ZBTB14: variants seen among roughly 807,000 people sequenced by gnomAD.
ZBTB14 encodes zinc finger and BTB domain containing 14, also known as zinc finger and BTB domain-containing protein 14.
ZBTB14 carries 8 observed loss-of-function variants against 29.5 expected under a neutral mutation model. The ratio of observed to expected loss-of-function variants is 0.27; its 90% confidence interval spans 0.16 to 0.49. ZBTB14 has a LOEUF of 0.49. Among genes scored for constraint, ZBTB14 ranks in the 20% least tolerant of loss-of-function variants. The pLI is 0.99. For missense variants in ZBTB14, 333 were observed against 563.8 expected, an observed-to-expected ratio of 0.59 and a Z score of 4.15; for synonymous variants, 226 against 207.2, an observed-to-expected ratio of 1.09 and a Z score of -0.78.
rs2071779469 is a variant in ZBTB14 at position 5,290,189 on chromosome 18, G to A, written c.*669C>T. ...CCCACCATCCCGGTGGGTTTGCTTGGCCTTTAGGATGTGTGACTACAGCTT... is the reference window on the plus strand; with the variant it reads ...CCCACCATCCCGGTGGGTTTGCTTGACCTTTAGGATGTGTGACTACAGCTT... On this transcript the variant is annotated 3_prime_UTR_variant, in exon 4 of 4. Coordinates refer to ENST00000651870, the MANE Select transcript of ZBTB14 (RefSeq NM_001243702.2). 6.6e-6 allele frequency: 1 copy of A among 152,200 alleles called. No homozygotes were observed. The highest frequency in any genetic ancestry group is 2.4e-5 in the African/African-American group (1 of 41,416). The allele number at this position is 152,200 out of a possible 1,614,324, so 9.4% of individuals were successfully genotyped here. A position where few individuals can be genotyped will look rare whatever the true frequency, so the allele number is the denominator to read the frequency against.
chr18:5,295,948 G>T (rs1172492375), upstream of ZBTB14: 1 of 151,688 alleles, frequency 6.6e-6, no homozygotes, highest in African/African-American at 2.4e-5. Flanking sequence ...TTGGAGTTTG[G>T]GGAGGGGGCG....
At chr18:5,296,315 G>C (rs1332497655), upstream of ZBTB14, 1 of 150,436 alleles carries the variant, frequency 6.6e-6, no homozygotes, top group Non-Finnish European at 1.5e-5. Context: ...TCGGGAGCCA[G>C]GGAACTTAAG....
chr18:5,295,852 C>G (rs1303907567), upstream of ZBTB14: 1 of 152,016 alleles, frequency 6.6e-6, no homozygotes, highest in Non-Finnish European at 1.5e-5. Flanking sequence ...CGTGGGTTCC[C>G]CGCGCTCGCT....
intron 3 of ZBTB14, among the ~76,000 whole-genome samples, chr18:5,292,445 T>C (rs1445167815): frequency 6.6e-6 from 1 of 152,230 alleles, no homozygotes; most frequent in Admixed American, 6.5e-5. Flanking sequence ...CATTGTTCTA[T>C]GTGCTTTACA....
At position 5,291,044 on chromosome 18, in the gene ZBTB14, A is replaced by G. The variant is rs1333610797; in HGVS notation, c.1164T>C (p.Pro388=). Reference sequence around the variant, plus strand: ...CCTTGGTGCAGGAGCCACACACAAAAGGCTTTTCCCCTCTGTGTCTTCTTT... The same window carrying G: ...CCTTGGTGCAGGAGCCACACACAAAGGGCTTTTCCCCTCTGTGTCTTCTTT... ...DHERRHRGEK[P]FVCGSCTKAF... is the part of the protein sequence containing the mutation. The change falls in exon 4 of 4, where the codon CCT becomes CCC. Residue 388 remains proline, a synonymous_variant. Transcript: ENST00000651870. The surrounding 1 kb of genome is among the most constrained non-coding windows in gnomAD (Gnocchi z 5.8). 6.2e-7 allele frequency: 1 copy of G among 1,614,158 alleles called. No individual in the cohort carries two copies. The highest frequency in any genetic ancestry group is 8.5e-7 in the Non-Finnish European group (1 of 1,180,060).
At chr18:5,293,221 T>A in intron 3 of ZBTB14, 23 bp downstream of exon 3, 2 of 1,611,802 alleles carry the variant, frequency 1.2e-6, no homozygotes, top group Non-Finnish European at 1.7e-6. Context: ...TCATCAAGAT[T>A]TAATATCCAA....
At chr18:5,292,239 A>G in intron 3 of ZBTB14, 35 bp from the exon 4 acceptor site, 2 of 1,429,468 alleles carry the variant, frequency 1.4e-6, no homozygotes, top group South Asian at 1.5e-5. Context: ...AATTATAAAT[A>G]GTACTTTTCC....
chr18:5,294,322 A>G (rs958088645), intron 1 of ZBTB14, among the ~76,000 whole-genome samples: 4 of 152,176 alleles, frequency 2.6e-5, no homozygotes, highest in Admixed American at 2.6e-4. Context: ...AATCATCCAG[A>G]GGCTAGGCAG....
chr18:5,297,052 G>A (rs2071982299), upstream of ZBTB14: 1 of 151,850 alleles, frequency 6.6e-6, no homozygotes, highest in South Asian at 2.1e-4. Flanking sequence ...CGCCGCCTTA[G>A]AGTCGCTCAT....
At chr18:5,296,400 C>A (rs2071968418), upstream of ZBTB14, among the ~76,000 whole-genome samples, 1 of 150,132 alleles carries the variant, frequency 6.7e-6, no homozygotes. Context: ...CCGCCCGCGC[C>A]CGGCGCCGGC....
chr18:5,295,017 A>G (rs1474361834), intron 1 of ZBTB14, among the ~76,000 whole-genome samples: 1 of 151,760 alleles, frequency 6.6e-6, no homozygotes, highest in Non-Finnish European at 1.5e-5. Context: ...TCCCAGACAA[A>G]AGCTCCCAGC....
At position 5,290,685 on chromosome 18, in the gene ZBTB14, G is replaced by A. The variant is rs552957189; in HGVS notation, c.*173C>T. The A allele has an allele frequency of 1.1e-4, 111 of 987,118 alleles. No homozygotes were observed. Among genetic ancestry groups the A allele is most frequent in the Non-Finnish European group, 1.5e-4 (102 of 690,654 alleles). The allele number at this position is 987,118 out of a possible 1,614,324, so 61.1% of individuals were successfully genotyped here. A position where few individuals can be genotyped will look rare whatever the true frequency, so the allele number is the denominator to read the frequency against. On this transcript the variant is annotated 3_prime_UTR_variant, in exon 4 of 4. Coordinates refer to ENST00000651870, the MANE Select transcript of ZBTB14 (RefSeq NM_001243702.2). ...GTGAAACGGTTTGGTCAGAACTGAG[G>A]AACACCATTTCCTTGAAAAGTCTTA... is the stretch of plus-strand genomic sequence containing the variant.
Position 5,290,869 on chromosome 18 carries a change from C to A in ZBTB14, c.1339G>T (p.Ala447Ser). Residue 447 changes from alanine (A) to serine (S), a missense_variant, in exon 4 of 4, where the codon GCC becomes TCC. Ala to Ser is a moderately conservative substitution (Grantham distance 99). Around this residue, in one of 3 missense-constraint regions of ZBTB14, gnomAD observed 140 missense variants for 274.6 expected, o/e 0.51. Transcript: ENST00000651870. Reference sequence around the variant, plus strand: ...CTGTCCCACCGCCTCTAGCTACAGGCTATCGTCTCCAGCTGCTGTTCTGCT... The same window carrying A: ...CTGTCCCACCGCCTCTAGCTACAGGATATCGTCTCCAGCTGCTGTTCTGCT... ...AEAEQQLETIACS is the reference protein window; with the variant it reads ...AEAEQQLETISCS 2 of 1,613,894 alleles carry A rather than the reference C, an allele frequency of 1.2e-6. No homozygotes were observed. Among genetic ancestry groups the A allele is most frequent in the Non-Finnish European group, 1.7e-6 (2 of 1,179,820 alleles).
upstream of ZBTB14, among the ~76,000 whole-genome samples, chr18:5,296,625 T>C (rs921633513): frequency 1.3e-5 from 2 of 151,784 alleles, no homozygotes; most frequent in Non-Finnish European, 2.9e-5. Context: ...GCCGGCACAT[T>C]GAGTTTGTGG....
At chr18:5,295,186 C>G (rs1172931826) in intron 1 of ZBTB14, among the ~76,000 whole-genome samples, 1 of 142,300 alleles carries the variant, frequency 7.0e-6, no homozygotes, top group Non-Finnish European at 1.5e-5. Context: ...CTCCGCAGCC[C>G]CGCGCCGCGC....
upstream of ZBTB14, chr18:5,296,232 C>CGCGCACGCGCGCGGCTTGGG (rs1260252292): frequency 6.7e-6 from 1 of 149,722 alleles, no homozygotes; most frequent in Non-Finnish European, 1.5e-5. Flanking sequence ...TGCGCACGCG[C>CGCGCACGCGCGCGGCTTGGG]GCGCACGCGC....
intron 1 of ZBTB14, among the ~76,000 whole-genome samples, 163 bp from the exon 2 acceptor site, chr18:5,294,164 A>T (rs2071885338): frequency 6.6e-6 from 1 of 152,218 alleles, no homozygotes; most frequent in South Asian, 2.1e-4. Context: ...GCTCCTTCTA[A>T]AGAAAAGTGA....
chr18:5,290,465 G>C lies in ZBTB14; in HGVS notation c.*393C>G, dbSNP rs56310980. The C allele has an allele frequency of 0.015, 2,435 of 166,186 alleles. 66 individuals carry two copies. The highest frequency in any genetic ancestry group is 0.055 in the African/African-American group (2,321 of 41,940). The allele number at this position is 166,186 out of a possible 1,614,324, so 10.3% of individuals were successfully genotyped here. Reference sequence around the variant, plus strand: ...TGCTCTTTTGACCATAAGTCACATAGAATTGTGATTAGGAAATCAATTTAC... The same window carrying C: ...TGCTCTTTTGACCATAAGTCACATACAATTGTGATTAGGAAATCAATTTAC... On this transcript the variant is annotated 3_prime_UTR_variant, in exon 4 of 4. Coordinates refer to ENST00000651870, the MANE Select transcript of ZBTB14 (RefSeq NM_001243702.2).
At position 5,291,146 on chromosome 18, in the gene ZBTB14, A is replaced by T; in HGVS notation, c.1062T>A (p.Val354=). 6.2e-7 allele frequency: 1 copy of T among 1,614,206 alleles called. No homozygotes were observed. Among genetic ancestry groups the T allele is most frequent in the Non-Finnish European group, 8.5e-7 (1 of 1,180,036 alleles). ...ACGCAAACGGTCTTTCATTACTGTGAACTCTCTCATGCTTCTTTAAGTCTG... is the reference window on the plus strand; with the variant it reads ...ACGCAAACGGTCTTTCATTACTGTGTACTCTCTCATGCTTCTTTAAGTCTG... ...RAPDLKKHER[V]HSNERPFACH... Residue 354 remains valine, a synonymous_variant, in exon 4 of 4, where the codon GTT becomes GTA. Coordinates refer to ENST00000651870, the MANE Select transcript of ZBTB14 (RefSeq NM_001243702.2). The surrounding 1 kb of genome is among the most constrained non-coding windows in gnomAD (Gnocchi z 5.8).
Sources: gnomAD v4.1 joint callset for allele counts (sites outside exome capture counted in the v4.1 genomes callset) on GRCh38, gnomAD v4.1.1 for gene constraint, gnomAD v4.1.1 regional missense constraint, Gnocchi (gnomAD v3.1) non-coding constraint, MANE v1.5 for transcripts, NCBI Gene and HGNC (gene_info 2026-07-23, HGNC 2026-07-21) for gene names.